The following MYO16 variants were observed in gnomAD, a reference collection of about 807,000 sequenced individuals.
MYO16 encodes unconventional myosin-XVI.
Under a neutral mutation model 205.3 loss-of-function variants are expected in MYO16, and 94 were observed. That is an observed-to-expected ratio of 0.46 (90% confidence interval 0.39 to 0.54). The LOEUF is 0.54. Among genes scored for constraint, MYO16 ranks in the 20% least tolerant of loss-of-function variants. The pLI is 0.00. For synonymous variants in MYO16, 988 were observed against 954.0 expected (o/e 1.04, Z -0.66); for missense variants, 2,315 against 2,387.5 (o/e 0.97, Z 0.63).
intron 12 of MYO16, among the ~76,000 whole-genome samples, chr13:108,866,910 G>A (rs1023680159): frequency 2.0e-5 from 3 of 152,100 alleles, no homozygotes; most frequent in Non-Finnish European, 2.9e-5. Context: ...AAGATGTGGC[G>A]GGCAGGGAGG....
intron 33 of MYO16, among the ~76,000 whole-genome samples, chr13:109,168,784 ATAAAT>A (rs1476306718): frequency 6.6e-5 from 10 of 152,206 alleles, no homozygotes; most frequent in Admixed American, 5.9e-4. Context: ...AAATCACAAA[ATAAAT>A]TAAAAAGCAA....
chr13:109,018,389 A>C (rs1885901791), intron 22 of MYO16, among the ~76,000 whole-genome samples: 1 of 152,132 alleles, frequency 6.6e-6, no homozygotes, highest in Non-Finnish European at 1.5e-5. Context: ...CAGCTGTATG[A>C]GGTGTCAGTC....
intron 23 of MYO16, among the ~76,000 whole-genome samples, chr13:109,027,896 A>G (rs1385270124): frequency 1.3e-5 from 2 of 152,164 alleles, no homozygotes; most frequent in East Asian, 1.9e-4. Context: ...TATCGAGTCA[A>G]CTTTTGCCAT....
intron 16 of MYO16, among the ~76,000 whole-genome samples, chr13:108,925,411 G>A (rs1474765013): frequency 6.6e-6 from 1 of 152,138 alleles, no homozygotes; most frequent in Admixed American, 6.5e-5. Context: ...GAGGTAGTAT[G>A]GATGGTCTTA....
chr13:108,875,500 T>C (rs1045413635), intron 12 of MYO16, among the ~76,000 whole-genome samples: 1 of 152,154 alleles, frequency 6.6e-6, no homozygotes, highest in Admixed American at 6.6e-5. Flanking sequence ...GTGGTAGTAA[T>C]GGACTATTCC....
intron 4 of MYO16, among the ~76,000 whole-genome samples, chr13:108,766,353 C>T (rs1049313817): frequency 1.2e-4 from 19 of 152,276 alleles, no homozygotes; most frequent in African/African-American, 4.1e-4. Context: ...GAATAATTCC[C>T]TCGTTTATTT....
chr13:109,142,541 C>T (rs1266059703), intron 32 of MYO16, among the ~76,000 whole-genome samples: 1 of 152,142 alleles, frequency 6.6e-6, no homozygotes, highest in Non-Finnish European at 1.5e-5. Flanking sequence ...CCTCTGCAAA[C>T]CCCCACCTTT....
chr13:109,108,067 G>T (rs778242012), intron 28 of MYO16, among the ~76,000 whole-genome samples: 18 of 152,076 alleles, frequency 1.2e-4, no homozygotes, highest in Non-Finnish European at 2.4e-4. Flanking sequence ...CATTCACTTT[G>T]TTTTTAAAAA....
At chr13:108,929,998 AT>A (rs1196921217) in intron 16 of MYO16, among the ~76,000 whole-genome samples, 2 of 152,208 alleles carry the variant, frequency 1.3e-5, no homozygotes, top group Non-Finnish European at 1.5e-5. Context: ...ACAAAAAGCA[AT>A]TTGCTGAATG....
At chr13:108,498,245 C>T in the MYO16 span, among the ~76,000 whole-genome samples, 68 of 152,178 alleles carry the variant, frequency 4.5e-4, no homozygotes, top group Admixed American at 1.0e-3. Context: ...TGGGGTAGAA[C>T]GGTACTTTCA....
intron 16 of MYO16, among the ~76,000 whole-genome samples, chr13:108,923,283 C>T (rs1456470689): frequency 6.6e-6 from 1 of 152,212 alleles, no homozygotes; most frequent in Non-Finnish European, 1.5e-5. Context: ...CGGTTGAAAA[C>T]AGATAGGAAT....
intron 23 of MYO16, among the ~76,000 whole-genome samples, chr13:109,035,616 A>G (rs144613192): frequency 1.7e-3 from 262 of 152,314 alleles, no homozygotes; most frequent in African/African-American, 5.7e-3. Flanking sequence ...CCTGGGAGGC[A>G]GAGGTTGCAG....
At chr13:108,596,836 A>G (rs1378375414) in intron 1 of MYO16, among the ~76,000 whole-genome samples, 3 of 152,330 alleles carry the variant, frequency 2.0e-5, no homozygotes, top group South Asian at 2.1e-4. Flanking sequence ...TATTTCTACG[A>G]AACAATCACT....
chr13:109,108,035 C>G (rs760410407), intron 28 of MYO16, among the ~76,000 whole-genome samples: 1 of 152,030 alleles, frequency 6.6e-6, no homozygotes, highest in Non-Finnish European at 1.5e-5. Flanking sequence ...AAGATAACTA[C>G]TGAAAATATT....
intron 33 of MYO16, among the ~76,000 whole-genome samples, chr13:109,176,846 C>T (rs1169532013): frequency 6.6e-6 from 1 of 151,916 alleles, no homozygotes; most frequent in Non-Finnish European, 1.5e-5. Context: ...CACCTGCATG[C>T]GACCACCTGC....
At chr13:108,937,646 A>G (rs902419524) in intron 16 of MYO16, among the ~76,000 whole-genome samples, 15 of 152,148 alleles carry the variant, frequency 9.9e-5, no homozygotes, top group African/African-American at 3.6e-4. Context: ...GCTTGCTTCA[A>G]TCTATTGATA....
chr13:108,561,259 T>A, the MYO16 span, among the ~76,000 whole-genome samples: 1 of 152,224 alleles, frequency 6.6e-6, no homozygotes, highest in Non-Finnish European at 1.5e-5. Context: ...TACTATGGAC[T>A]GTCTCTTTCC....
Position 108,681,883 on chromosome 13 carries a change from A to G in MYO16, c.292+15734A>G, listed in dbSNP as rs896916279. 2.0e-5 allele frequency among the ~76,000 whole-genome samples: 3 copies of G among 152,320 alleles called. No homozygotes were observed. The East Asian group carries it at 5.8e-4, about 29-fold the overall frequency. On this transcript the variant is annotated intron_variant, in intron 2 of 34. Coordinates refer to ENST00000457511, the MANE Select transcript of MYO16 (RefSeq NM_001198950.3). ...GGTCCTCCACAATCTCATTATTCCAATATGACTTTCCATTTCTCTATGTTA... is the reference window on the plus strand; with the variant it reads ...GGTCCTCCACAATCTCATTATTCCAGTATGACTTTCCATTTCTCTATGTTA...
chr13:108,990,796 A>G (rs189838305), intron 20 of MYO16, among the ~76,000 whole-genome samples: 57 of 152,304 alleles, frequency 3.7e-4, no homozygotes, highest in Admixed American at 3.7e-3. Context: ...TATTACAGAC[A>G]GGATATTACA....
Sources: gnomAD v4.1 joint callset for allele counts (sites outside exome capture counted in the v4.1 genomes callset) on GRCh38, gnomAD v4.1.1 for gene constraint, MANE v1.5 for transcripts, NCBI Gene and HGNC (gene_info 2026-07-23, HGNC 2026-07-21) for gene names.